The following PAPPA variants were observed in gnomAD, a reference collection of about 807,000 sequenced individuals.
PAPPA encodes the protein pappalysin-1.
PAPPA carries 60 observed loss-of-function variants against 164.0 expected under a neutral mutation model. The ratio of observed to expected loss-of-function variants is 0.37; its 90% CI spans 0.30 to 0.45. The LOEUF is 0.45. Ranked by LOEUF, PAPPA falls within the 20% of genes least tolerant of loss-of-function variation. The probability of loss-of-function intolerance (pLI) is 1.00; values close to 1 mark genes in which losing one functional copy is unlikely to be tolerated. For synonymous variants in PAPPA, 875 were observed against 814.1 expected, an observed-to-expected ratio of 1.07 and a Z score of -1.27; for missense variants, 1,782 against 2,087.3, an observed-to-expected ratio of 0.85 and a Z score of 2.85.
intron 5 of PAPPA, among the ~76,000 whole-genome samples, chr9:116,222,053 T>C (rs1230757673): frequency 2.0e-5 from 3 of 152,098 alleles, no homozygotes; most frequent in Non-Finnish European, 4.4e-5. Context: ...TCATGGAAAA[T>C]AGTATGGGGG....
chr9:116,226,550 C>T (rs1844512906), intron 5 of PAPPA, among the ~76,000 whole-genome samples: 2 of 152,202 alleles, frequency 1.3e-5, no homozygotes, highest in Admixed American at 6.5e-5. Context: ...TCGACGTCTT[C>T]CCGAGATTTT....
rs1362107198 is a variant in PAPPA at position 116,352,612 on chromosome 9, G to T, written c.3965-94G>T. The T allele has an allele frequency of 4.2e-6, 4 of 950,050 alleles. No individual in the cohort carries two copies. The Admixed American group carries it at 5.5e-5, about 13-fold the overall frequency. The allele number at this position is 950,050 out of a possible 1,614,324, so 58.9% of individuals were successfully genotyped here. On this transcript the variant is annotated intron_variant, in intron 15 of 21. Transcript: ENST00000328252. ...GGAATTCCACATAAGGGATCTCCTGGTTCTTCAAGTCAGCTAAAATCCAAG... is the reference window on the plus strand; with the variant it reads ...GGAATTCCACATAAGGGATCTCCTGTTTCTTCAAGTCAGCTAAAATCCAAG...
chr9:116,376,268 C>T (rs546075870), intron 19 of PAPPA, among the ~76,000 whole-genome samples: 20 of 152,322 alleles, frequency 1.3e-4, no homozygotes, highest in African/African-American at 4.3e-4. Flanking sequence ...ATCCACCTGC[C>T]TCGGCCTCCC....
At chr9:116,206,397 A>G (rs939933799) in intron 2 of PAPPA, among the ~76,000 whole-genome samples, 4 of 152,178 alleles carry the variant, frequency 2.6e-5, no homozygotes, top group South Asian at 4.1e-4. Context: ...TTTTCCACCC[A>G]TAGAAATGAT....
Position 116,232,617 on chromosome 9 carries a change from G to A in PAPPA, c.2234-2522G>A, listed in dbSNP as rs143234202. 3.4e-3 allele frequency among the ~76,000 whole-genome samples: 517 copies of A among 152,286 alleles called. 3 individuals are homozygous for A. Among genetic ancestry groups the A allele is most frequent in the African/African-American group, 0.012 (504 of 41,576 alleles). The stretch of plus-strand genomic sequence containing the variant: ...CCTGCGTCACAGACTTAGTGCCAAC[G>A]TAAAAAGACCTGAGGCGTGTAATGT... On this transcript the variant is annotated intron_variant, in intron 6 of 21. Transcript: ENST00000328252.
intron 6 of PAPPA, among the ~76,000 whole-genome samples, chr9:116,232,936 TG>T (rs1328804606): frequency 6.6e-6 from 1 of 152,214 alleles, no homozygotes; most frequent in Non-Finnish European, 1.5e-5. Flanking sequence ...TTGTCATCTT[TG>T]CTCTCCTGTG....
intron 9 of PAPPA, among the ~76,000 whole-genome samples, chr9:116,289,054 C>G (rs1162752972): frequency 6.7e-6 from 1 of 149,460 alleles, no homozygotes; most frequent in East Asian, 2.0e-4. Context: ...TTGCTGGACT[C>G]TTATGCATGC....
Position 116,302,970 on chromosome 9 carries a change from TG to T in PAPPA, c.3147+22del. 6.2e-7 allele frequency: 1 copy of T among 1,607,072 alleles called. No homozygotes were observed. The highest frequency in any genetic ancestry group is 1.1e-5 in the South Asian group (1 of 90,600). ...TCCCAGGTAAGATCCTAACCATGTG[TG>T]GCATTTCCTGCAGACATTCAAAGTC... On this transcript the variant is annotated intron_variant, in intron 10 of 21. Coordinates refer to ENST00000328252, the MANE Select transcript of PAPPA (RefSeq NM_002581.5).
At chr9:116,270,222 C>G (rs1845121115) in intron 8 of PAPPA, among the ~76,000 whole-genome samples, 1 of 152,190 alleles carries the variant, frequency 6.6e-6, no homozygotes, top group African/African-American at 2.4e-5. Flanking sequence ...CCACTTTAAG[C>G]TACTCAGAGG....
intron 6 of PAPPA, among the ~76,000 whole-genome samples, chr9:116,234,060 G>T (rs941278770): frequency 2.0e-5 from 3 of 152,080 alleles, no homozygotes; most frequent in African/African-American, 7.2e-5. Flanking sequence ...AAGGTGTCTA[G>T]TTGGGCAACT....
At chr9:116,255,547 A>G (rs952496112) in intron 7 of PAPPA, among the ~76,000 whole-genome samples, 2 of 152,042 alleles carry the variant, frequency 1.3e-5, no homozygotes, top group Non-Finnish European at 1.5e-5. Context: ...CATGCAAGAA[A>G]TAAAATAGAA....
chr9:116,298,968 G>A, intron 9 of PAPPA, among the ~76,000 whole-genome samples: 1 of 152,196 alleles, frequency 6.6e-6, no homozygotes, highest in East Asian at 1.9e-4. Flanking sequence ...GTTTGTTTTA[G>A]TGTTTTGTTG....
At chr9:116,336,887 T>C (rs184535379) in intron 13 of PAPPA, among the ~76,000 whole-genome samples, 8 of 152,294 alleles carry the variant, frequency 5.3e-5, no homozygotes, top group Admixed American at 4.6e-4. Context: ...TTAGGAAACA[T>C]GAGAGAGGAC....
intron 2 of PAPPA, among the ~76,000 whole-genome samples, chr9:116,206,812 T>G (rs569230224): frequency 5.5e-4 from 84 of 152,140 alleles, no homozygotes; most frequent in Admixed American, 3.6e-3. Context: ...GACTTTGGAT[T>G]TGTTCATTAG....
intron 21 of PAPPA, among the ~76,000 whole-genome samples, chr9:116,393,523 GAAGT>G (rs748034971): frequency 6.6e-6 from 1 of 152,190 alleles, no homozygotes; most frequent in Non-Finnish European, 1.5e-5. Flanking sequence ...TCGAAGTAAA[GAAGT>G]AATTCAGTAT....
Position 116,154,508 on chromosome 9 carries a change from C to G in PAPPA, c.336C>G (p.Leu112=), listed in dbSNP as rs1444495703. ...AGCAGCTGCGCCTCCGGGCCGACCTCGAGCTGCCCCGGGACGCGTTCACGC... is the reference window on the plus strand; with the variant it reads ...AGCAGCTGCGCCTCCGGGCCGACCTGGAGCTGCCCCGGGACGCGTTCACGC... ...RGEQLRLRAD[L]ELPRDAFTLQ... The change falls in exon 1 of 22, where the codon CTC becomes CTG. Residue 112 remains leucine, a synonymous_variant. Transcript: ENST00000328252. This position sits in a 1 kb window ranked among gnomAD's most constrained non-coding sequence, Gnocchi z 5.2. 6.5e-6 allele frequency: 9 copies of G among 1,375,688 alleles called. No homozygotes were observed. The highest frequency in any genetic ancestry group is 4.9e-5 in the South Asian group (3 of 61,548). The allele number at this position is 1,375,688 out of a possible 1,614,324, so 85.2% of individuals were successfully genotyped here. A position where few individuals can be genotyped will look rare whatever the true frequency, so the allele number is the denominator to read the frequency against.
Position 116,271,518 on chromosome 9 carries a change from A to G in PAPPA, c.2953+102A>G. ...AATAGTTATGACTAAATGATGATTC[A>G]CTCCTTTGTATTACACCTGTTTATT... On this transcript the variant is annotated intron_variant, in intron 9 of 21. Coordinates refer to ENST00000328252, the MANE Select transcript of PAPPA (RefSeq NM_002581.5). This position sits in a 1 kb window ranked among gnomAD's most constrained non-coding sequence, Gnocchi z 4.2. The G allele has an allele frequency of 2.4e-6, 2 of 848,764 alleles. No individual in the cohort carries two copies. The highest frequency in any genetic ancestry group is 1.8e-5 in the Admixed American group (1 of 55,704). The allele number at this position is 848,764 out of a possible 1,614,324, so 52.6% of individuals were successfully genotyped here. A position where few individuals can be genotyped will look rare whatever the true frequency, so the allele number is the denominator to read the frequency against.
Position 116,289,197 on chromosome 9 carries a change from CAT to C in PAPPA, c.2954-13550_2954-13549del, listed in dbSNP as rs1316879845. Among the ~76,000 whole-genome samples, 44 of 19,728 alleles carry C rather than the reference CAT, an allele frequency of 2.2e-3. 6 individuals carry two copies. The highest frequency in any genetic ancestry group is 4.9e-3 in the East Asian group (3 of 614). The allele number at this position is 19,728 out of a possible 152,430, so 12.9% of individuals were successfully genotyped here. ...TAGCATATATGTAGCATATATATAGCATATATATATAGCATATATGTAGCATA... is the reference window on the plus strand; with the variant it reads ...TAGCATATATGTAGCATATATATAGCATATATATAGCATATATGTAGCATA... On this transcript the variant is annotated intron_variant, in intron 9 of 21. Transcript: ENST00000328252.
At chr9:116,293,635 G>T (rs746842876) in intron 9 of PAPPA, among the ~76,000 whole-genome samples, 7 of 152,228 alleles carry the variant, frequency 4.6e-5, no homozygotes, top group Non-Finnish European at 7.3e-5. Flanking sequence ...AGTTGGGGAA[G>T]TTAAAATTTT....
Sources: gnomAD v4.1 joint callset for allele counts (sites outside exome capture counted in the v4.1 genomes callset) on GRCh38, gnomAD v4.1.1 for gene constraint, Gnocchi (gnomAD v3.1) non-coding constraint, MANE v1.5 for transcripts, NCBI Gene and HGNC (gene_info 2026-07-23, HGNC 2026-07-21) for gene names.